The following DSCAML1 variants were observed in gnomAD, a reference collection of about 807,000 sequenced individuals.
DSCAML1 encodes the protein DS cell adhesion molecule like 1, also known as cell adhesion molecule DSCAML1.
Under a neutral mutation model 200.5 loss-of-function variants are expected in DSCAML1, and 38 were observed. The ratio of observed to expected loss-of-function variants is 0.19; its 90% CI spans 0.15 to 0.25. The LOEUF (loss-of-function observed/expected upper bound fraction) is 0.25, where lower values mean the gene tolerates loss of function less well. DSCAML1 is among the 10% of genes least tolerant of loss of function. The pLI, the probability that DSCAML1 is intolerant of heterozygous loss-of-function variation, is 1.00. For synonymous variants in DSCAML1, 1,215 were observed against 1,165.0 expected, an observed-to-expected ratio of 1.04 and a Z score of -0.87; for missense variants, 2,223 against 2,858.8, an observed-to-expected ratio of 0.78 and a Z score of 5.07.
intron 1 of DSCAML1, among the ~76,000 whole-genome samples, chr11:117,810,019 A>G (rs1321454282): frequency 6.6e-6 from 1 of 151,918 alleles, no homozygotes; most frequent in Non-Finnish European, 1.5e-5. Context: ...ACACTCACAC[A>G]TATTCAAATA....
intron 3 of DSCAML1, among the ~76,000 whole-genome samples, chr11:117,663,668 G>A (rs2052912541): frequency 6.6e-6 from 1 of 152,126 alleles, no homozygotes; most frequent in African/African-American, 2.4e-5. Flanking sequence ...TTCCCTACAG[G>A]GATTGATTTG....
intron 3 of DSCAML1, among the ~76,000 whole-genome samples, chr11:117,559,205 C>T (rs571331746): frequency 8.5e-4 from 130 of 152,266 alleles, no homozygotes; most frequent in Admixed American, 2.7e-3. Flanking sequence ...GACCCAAACC[C>T]AATGGAAAAT....
intron 3 of DSCAML1, among the ~76,000 whole-genome samples, chr11:117,558,059 C>G (rs929008764): frequency 6.6e-6 from 1 of 152,024 alleles, no homozygotes; most frequent in African/African-American, 2.4e-5. Flanking sequence ...ACTGGGAACC[C>G]TGGTGGCAGG....
At chr11:117,533,263 C>T (rs1441014720) in intron 3 of DSCAML1, among the ~76,000 whole-genome samples, 1 of 152,178 alleles carries the variant, frequency 6.6e-6, no homozygotes, top group Non-Finnish European at 1.5e-5. Context: ...ATATTCCTTG[C>T]TCATTGGCTT....
chr11:117,727,232 T>C (rs1199627298), intron 3 of DSCAML1, among the ~76,000 whole-genome samples: 1 of 152,216 alleles, frequency 6.6e-6, no homozygotes, highest in Non-Finnish European at 1.5e-5. Flanking sequence ...ATAAAAGTTC[T>C]GCCTCTCTTC....
intron 8 of DSCAML1, among the ~76,000 whole-genome samples, chr11:117,509,573 A>C (rs1028617253): frequency 2.6e-5 from 4 of 152,090 alleles, no homozygotes; most frequent in Non-Finnish European, 2.9e-5. Context: ...CAATACACAC[A>C]CCGGGCAGCC....
At position 117,780,494 on chromosome 11, in the gene DSCAML1, T is replaced by C; in HGVS notation, c.363A>G (p.Ala121=). The change falls in exon 2 of 33, where the codon GCA becomes GCG. Residue 121 remains alanine, a splice_region_variant and synonymous_variant. Transcript: ENST00000651296. The surrounding 1 kb of genome is among the most constrained non-coding windows in gnomAD (Gnocchi z 4.8). ...GGCAGCCAGTGTCTTGTCCCTTACCTGCTTTGACGCGGATGTTGGGGCTCC... is the reference window on the plus strand; with the variant it reads ...GGCAGCCAGTGTCTTGTCCCTTACCCGCTTTGACGCGGATGTTGGGGCTCC... ...KIRSPNIRVK[A]VFREPYTVRV... 6.9e-7 allele frequency: 1 copy of C among 1,445,800 alleles called. No individual in the cohort carries two copies. Among genetic ancestry groups the C allele is most frequent in the Non-Finnish European group, 9.1e-7 (1 of 1,094,556 alleles). The allele number at this position is 1,445,800 out of a possible 1,614,324, so 89.6% of individuals were successfully genotyped here.
intron 17 of DSCAML1, 65 bp from the exon 18 acceptor site, chr11:117,461,661 T>C (rs915423734): frequency 9.2e-6 from 14 of 1,528,952 alleles, no homozygotes; most frequent in Middle Eastern, 4.3e-4. Flanking sequence ...AGTACAGCAA[T>C]TGTGTCCCAG....
chr11:117,797,209 G>A lies in DSCAML1; in HGVS notation c.-130C>T. On this transcript the variant is annotated 5_prime_UTR_variant, in exon 1 of 33. Transcript: ENST00000651296. ...CGCTCTCTCTGCTCCTCAGCCCAGCGCTCGGCTGCGGCGGCGGCTCCTCCC... is the reference window on the plus strand; with the variant it reads ...CGCTCTCTCTGCTCCTCAGCCCAGCACTCGGCTGCGGCGGCGGCTCCTCCC... 6.6e-7 allele frequency: 1 copy of A among 1,504,102 alleles called. No homozygotes were observed. Among genetic ancestry groups the A allele is most frequent in the Non-Finnish European group, 8.9e-7 (1 of 1,127,202 alleles). 93.2% of individuals were successfully genotyped at this position (1,504,102 alleles called of 1,614,324 possible). A position where few individuals can be genotyped will look rare whatever the true frequency, so the allele number is the denominator to read the frequency against.
chr11:117,582,992 ATAT>A (rs6144528), intron 3 of DSCAML1, among the ~76,000 whole-genome samples: 13 of 145,144 alleles, frequency 9.0e-5, no homozygotes, highest in South Asian at 4.5e-4. Flanking sequence ...GGAGACAGGG[ATAT>A]TATTATTATT....
At chr11:117,607,152 C>T (rs1939235) in intron 3 of DSCAML1, among the ~76,000 whole-genome samples, 1,983 of 152,320 alleles carry the variant, frequency 0.013, 17 homozygotes, top group Non-Finnish European at 0.018. Flanking sequence ...GACCTGCATG[C>T]GGCTATCCTC....
intron 3 of DSCAML1, among the ~76,000 whole-genome samples, chr11:117,610,071 C>A (rs1048763215): frequency 2.0e-5 from 3 of 152,208 alleles, no homozygotes; most frequent in Non-Finnish European, 2.9e-5. Context: ...AAAAAGCAAC[C>A]TGCCCCCTCG....
chr11:117,488,919 C>T (rs1333271455), intron 11 of DSCAML1, among the ~76,000 whole-genome samples: 6 of 152,338 alleles, frequency 3.9e-5, no homozygotes, highest in Admixed American at 2.0e-4. Context: ...TATTTCTTGA[C>T]GAAGCTCCAT....
chr11:117,451,392 T>C (rs1391989399), intron 19 of DSCAML1, among the ~76,000 whole-genome samples: 1 of 152,218 alleles, frequency 6.6e-6, no homozygotes, highest in African/African-American at 2.4e-5. Flanking sequence ...ACTTGTTTCC[T>C]TTCTAGAAAC....
intron 3 of DSCAML1, among the ~76,000 whole-genome samples, chr11:117,669,841 G>A (rs1436850018): frequency 6.6e-6 from 1 of 152,230 alleles, no homozygotes; most frequent in African/African-American, 2.4e-5. Flanking sequence ...CTGAGAAACT[G>A]AGATCCTTGT....
chr11:117,692,691 C>T (rs1297978530), intron 3 of DSCAML1, among the ~76,000 whole-genome samples: 1 of 152,120 alleles, frequency 6.6e-6, no homozygotes, highest in Non-Finnish European at 1.5e-5. Flanking sequence ...CAATCTTTTC[C>T]CCTCTGCTTC....
intron 3 of DSCAML1, among the ~76,000 whole-genome samples, chr11:117,574,606 C>T (rs1195324602): frequency 6.6e-6 from 1 of 152,174 alleles, no homozygotes; most frequent in African/African-American, 2.4e-5. Flanking sequence ...ATCATCTTCC[C>T]TCTGAGAGCA....
At chr11:117,717,234 C>T (rs2053965926) in intron 3 of DSCAML1, among the ~76,000 whole-genome samples, 1 of 152,160 alleles carries the variant, frequency 6.6e-6, no homozygotes, top group Non-Finnish European at 1.5e-5. Flanking sequence ...CCGCCTGGGG[C>T]TCCTGTGCCC....
rs903809153 is a variant in DSCAML1 at position 117,444,966 on chromosome 11, G to A, written c.3709-927C>T. Among the ~76,000 whole-genome samples the A allele has an allele frequency of 1.2e-4, 18 of 152,200 alleles. 1 individual carries two copies. The highest frequency in any genetic ancestry group is 4.3e-4 in the African/African-American group (18 of 41,458). ...TTTGAAAACAGAGCGGAAGTCCAGG[G>A]AGGGAGAGCAGCCCCAGAACAGATG... On this transcript the variant is annotated intron_variant, in intron 20 of 32. Coordinates refer to ENST00000651296, the MANE Select transcript of DSCAML1 (RefSeq NM_020693.4).
Sources: allele counts gnomAD v4.1 joint callset (sites outside exome capture counted in the v4.1 genomes callset), GRCh38; gene constraint gnomAD v4.1.1; non-coding constraint Gnocchi (gnomAD v3.1); transcripts MANE v1.5; gene names NCBI Gene and HGNC (gene_info 2026-07-23, HGNC 2026-07-21).